STK4: variants seen among roughly 807,000 people sequenced by gnomAD.
STK4 encodes serine/threonine-protein kinase 4.
STK4 carries 30 observed loss-of-function variants against 64.9 expected under a neutral mutation model. The ratio of observed to expected loss-of-function variants is 0.46; its 90% CI spans 0.35 to 0.63. The LOEUF (loss-of-function observed/expected upper bound fraction) is 0.63. Ranked by LOEUF, STK4 falls within the 20% of genes least tolerant of loss-of-function variation. The probability of loss-of-function intolerance (pLI) is 0.01; values close to 1 mark genes in which losing one functional copy is unlikely to be tolerated. For synonymous variants in STK4, 177 were observed against 199.0 expected, an observed-to-expected ratio of 0.89 and a Z score of 0.93; for missense variants, 466 against 598.5, an observed-to-expected ratio of 0.78 and a Z score of 2.31.
intron 1 of STK4, among the ~76,000 whole-genome samples, chr20:44,966,830 G>C (rs1281184724): frequency 6.6e-6 from 1 of 152,184 alleles, no homozygotes. Flanking sequence ...TCGCTGTGGT[G>C]AGACTGTGCT....
Position 44,978,453 on chromosome 20 carries a change from A to G in STK4, c.127A>G (p.Ser43Gly). 6.2e-7 allele frequency: 1 copy of G among 1,613,666 alleles called. No homozygotes were observed. Among genetic ancestry groups the G allele is most frequent in the Admixed American group, 1.7e-5 (1 of 59,934 alleles). Residue 43 changes from serine (S) to glycine (G), a missense_variant, in exon 3 of 11, where the codon AGC (serine) becomes GGC (glycine). Physicochemically the swap from Ser to Gly is moderately conservative, Grantham distance 56. This residue lies in a region of STK4 where 190 missense variants were observed against 289.7 expected (regional missense o/e 0.66). Transcript: ENST00000372806. The stretch of plus-strand genomic sequence containing the variant: ...CTCCCAAATGTATAGGTCCTATGGC[A>G]GCGTATACAAAGCTATTCATAAAGA... Reference protein sequence around the residue: ...LEKLGEGSYGSVYKAIHKETG... With the variant: ...LEKLGEGSYGGVYKAIHKETG...
chr20:44,972,317 A>G, intron 2 of STK4, 159 bp downstream of exon 2: 2 of 624,196 alleles, frequency 3.2e-6, no homozygotes, highest in South Asian at 2.3e-5. Context: ...AATCCCTATT[A>G]TAGACAGATT....
intron 10 of STK4, among the ~76,000 whole-genome samples, chr20:45,050,638 C>A (rs934392842): frequency 4.6e-5 from 7 of 152,188 alleles, no homozygotes; most frequent in Admixed American, 2.6e-4. Flanking sequence ...ATTTTAAAGA[C>A]TTCTTCAGCT....
chr20:45,006,966 C>T (rs1256925846), intron 9 of STK4, among the ~76,000 whole-genome samples: 1 of 152,198 alleles, frequency 6.6e-6, no homozygotes, highest in East Asian at 1.9e-4. Context: ...GGCCACTCGG[C>T]TCAGTGCTGT....
In STK4 at chr20:45,059,101, A is replaced by C. The variant is rs371273589; in HGVS notation, c.1306-15917A>C. On this transcript the variant is annotated intron_variant, in intron 10 of 10. Transcript: ENST00000372806. The stretch of plus-strand genomic sequence containing the variant: ...CTGAACCCCATTGCCATCAGTCAGA[A>C]CGTTTCTGTTCATGTCTTTCACCCA... 4.6e-5 allele frequency among the ~76,000 whole-genome samples: 7 copies of C among 152,254 alleles called. No individual in the cohort carries two copies. In the East Asian group the frequency reaches 7.7e-4, roughly 17 times the overall value.
chr20:45,024,907 C>A, intron 9 of STK4, 66 bp from the exon 10 acceptor site: 1 of 1,411,528 alleles, frequency 7.1e-7, no homozygotes, highest in Non-Finnish European at 9.3e-7. Context: ...GGAGATATGT[C>A]TATTTATTAA....
intron 10 of STK4, among the ~76,000 whole-genome samples, chr20:45,035,536 T>C (rs1220431152): frequency 6.6e-6 from 1 of 152,206 alleles, no homozygotes; most frequent in Non-Finnish European, 1.5e-5. Flanking sequence ...AGATTTCTTA[T>C]GACTTCTTCT....
chr20:45,035,599 A>G (rs2068515290), intron 10 of STK4, among the ~76,000 whole-genome samples: 1 of 152,192 alleles, frequency 6.6e-6, no homozygotes. Flanking sequence ...ATCTATATTT[A>G]TTGAGGTTCT....
chr20:44,980,858 C>T (rs1410821908), intron 3 of STK4, among the ~76,000 whole-genome samples: 2 of 151,966 alleles, frequency 1.3e-5, no homozygotes, highest in African/African-American at 4.8e-5. Flanking sequence ...TTAGTAGAGA[C>T]GGGGTTTCAC....
chr20:44,996,113 G>T (rs963930737), intron 6 of STK4, among the ~76,000 whole-genome samples: 1 of 151,970 alleles, frequency 6.6e-6, no homozygotes, highest in East Asian at 1.9e-4. Flanking sequence ...TCTTTCTTCT[G>T]CCTGGCCCCT....
rs1489362403 is a variant in STK4 at position 44,987,230 on chromosome 20, A to G, written c.459A>G (p.Gly153=). The G allele has an allele frequency of 1.9e-6, 3 of 1,612,646 alleles. No individual in the cohort carries two copies. Among genetic ancestry groups the G allele is most frequent in the Non-Finnish European group, 2.5e-6 (3 of 1,179,448 alleles). Residue 153 remains glycine, a synonymous_variant, in exon 5 of 11, where the codon GGA becomes GGG. Transcript: ENST00000372806. ...MRKIHRDIKA[G]NILLNTEGHA... ...AAATACACCGAGATATCAAGGCAGG[A>G]AATATTTTGCTAAATACAGAAGGAC... is the stretch of plus-strand genomic sequence containing the variant.
At chr20:45,028,684 G>C (rs1011834134) in intron 10 of STK4, among the ~76,000 whole-genome samples, 2 of 152,088 alleles carry the variant, frequency 1.3e-5, no homozygotes, top group Non-Finnish European at 2.9e-5. Context: ...TTTTTCTTAT[G>C]ACTGTTGCCC....
chr20:44,995,009 C>G (rs968040378), intron 5 of STK4, 81 bp from the exon 6 acceptor site: 267 of 924,352 alleles, frequency 2.9e-4, no homozygotes, highest in African/African-American at 7.1e-4. Flanking sequence ...TTTTTTTCTT[C>G]TTTTTTTCTC....
In STK4 at chr20:45,079,836, T is replaced by G. The variant is rs745522086; in HGVS notation, c.*4660T>G. On this transcript the variant is annotated 3_prime_UTR_variant, in exon 11 of 11. Coordinates refer to ENST00000372806, the MANE Select transcript of STK4 (RefSeq NM_006282.5). ...TCCTCCATTGCCCCCACTCCTTTTT[T>G]CTTTTTTAAGTTTGAGATGCTTCCT... The G allele has an allele frequency of 3.9e-5, 6 of 152,692 alleles. No homozygotes were observed. Among genetic ancestry groups the G allele is most frequent in the Non-Finnish European group, 8.8e-5 (6 of 68,056 alleles). 9.5% of individuals were successfully genotyped at this position (152,692 alleles called of 1,614,324 possible).
At chr20:45,049,068 G>A (rs977489970) in intron 10 of STK4, among the ~76,000 whole-genome samples, 6 of 151,934 alleles carry the variant, frequency 3.9e-5, no homozygotes, top group East Asian at 1.9e-4. Context: ...ATGTATGTGC[G>A]TATGTATGAA....
At chr20:44,967,749 G>T (rs1212081729) in intron 1 of STK4, among the ~76,000 whole-genome samples, 3 of 152,162 alleles carry the variant, frequency 2.0e-5, no homozygotes, top group African/African-American at 7.2e-5. Flanking sequence ...TTGAGCTTGG[G>T]GATGTTTGAG....
chr20:45,022,384 A>T lies in STK4; in HGVS notation c.1148-2589A>T, dbSNP rs866751374. The stretch of plus-strand genomic sequence containing the variant: ...AAATACATTTTAGATAGACTTTCTT[A>T]TTTGTGGATTTTCATTGTTGAAAGA... On this transcript the variant is annotated intron_variant, in intron 9 of 10. Coordinates refer to ENST00000372806, the MANE Select transcript of STK4 (RefSeq NM_006282.5). Among the ~76,000 whole-genome samples, 49 of 152,288 alleles carry T rather than the reference A, an allele frequency of 3.2e-4. No individual in the cohort carries two copies. The South Asian group carries it at 4.6e-3, about 14-fold the overall frequency.
chr20:44,982,224 C>G (rs116294223), intron 4 of STK4, among the ~76,000 whole-genome samples: 2,058 of 151,508 alleles, frequency 0.014, 43 homozygotes, highest in African/African-American at 0.047. Flanking sequence ...TTCAGTGATC[C>G]TCTCACTTCA....
In STK4 at chr20:45,078,336, G is replaced by C. The variant is rs1286794363; in HGVS notation, c.*3160G>C. 1 of 151,982 alleles carries C rather than the reference G, an allele frequency of 6.6e-6. No individual in the cohort carries two copies. Among genetic ancestry groups the C allele is most frequent in the Non-Finnish European group, 1.5e-5 (1 of 68,160 alleles). The allele number at this position is 151,982 out of a possible 1,614,324, so 9.4% of individuals were successfully genotyped here. ...TTCTCCTGCCTCAGCCTCCCAGGTA[G>C]CTGCCACTACAGGTGCTGCACCACC... is the stretch of plus-strand genomic sequence containing the variant. On this transcript the variant is annotated 3_prime_UTR_variant, in exon 11 of 11. Coordinates refer to ENST00000372806, the MANE Select transcript of STK4 (RefSeq NM_006282.5).
Sources: gnomAD v4.1 joint callset for allele counts (sites outside exome capture counted in the v4.1 genomes callset) on GRCh38, gnomAD v4.1.1 for gene constraint, gnomAD v4.1.1 regional missense constraint, MANE v1.5 for transcripts, NCBI Gene and HGNC (gene_info 2026-07-23, HGNC 2026-07-21) for gene names.